Variants in ARFGEF2 observed in about 807,000 individuals in gnomAD.
The protein encoded by ARFGEF2 is ARF guanine nucleotide exchange factor 2, also known as brefeldin A-inhibited guanine nucleotide-exchange protein 2.
ARFGEF2 carries 74 observed loss-of-function variants against 219.9 expected under a neutral mutation model. The ratio of observed to expected loss-of-function variants is 0.34; its 90% CI spans 0.28 to 0.41. ARFGEF2 has a LOEUF of 0.41. Ranked by LOEUF, ARFGEF2 falls within the 10% of genes least tolerant of loss-of-function variation. The pLI is 1.00. For missense variants in ARFGEF2, 1,743 were observed against 2,218.3 expected (o/e 0.79, Z 4.30); for synonymous variants, 733 against 799.2 (o/e 0.92, Z 1.40).
intron 14 of ARFGEF2, among the ~76,000 whole-genome samples, chr20:48,977,984 AG>A (rs1485509727): frequency 6.6e-6 from 1 of 152,184 alleles, no homozygotes; most frequent in Non-Finnish European, 1.5e-5. Flanking sequence ...TCGTTTAATT[AG>A]ATCCCATTTG....
intron 25 of ARFGEF2, among the ~76,000 whole-genome samples, chr20:49,002,780 G>A (rs1192575425): frequency 1.3e-5 from 2 of 150,384 alleles, no homozygotes; most frequent in Non-Finnish European, 3.0e-5. Flanking sequence ...AAGTAGCTGG[G>A]ATTATAGGCA....
intron 23 of ARFGEF2, among the ~76,000 whole-genome samples, chr20:48,996,194 G>A (rs1784450545): frequency 6.6e-6 from 1 of 152,034 alleles, no homozygotes; most frequent in African/African-American, 2.4e-5. Flanking sequence ...CCATGCTCAC[G>A]CCTGTAATCC....
chr20:48,950,750 C>T (rs954767158), intron 3 of ARFGEF2, among the ~76,000 whole-genome samples: 11 of 138,602 alleles, frequency 7.9e-5, no homozygotes, highest in African/African-American at 1.1e-4. Flanking sequence ...GAGCCATGAC[C>T]GTACCACTTC....
chr20:48,994,582 C>T lies in ARFGEF2; in HGVS notation c.3105C>T (p.Phe1035=). ...LKGHTLAGEE[F]MGLGLGNLVS... ...GCCACACATTGGCAGGAGAAGAGTT[C>T]ATGGGCCTTGGCCTCGGTAAGACAC... The change falls in exon 22 of 39, where the codon TTC becomes TTT. Residue 1035 remains phenylalanine (F), a synonymous_variant. Coordinates refer to ENST00000371917, the MANE Select transcript of ARFGEF2 (RefSeq NM_006420.3). The T allele has an allele frequency of 6.2e-7, 1 of 1,613,966 alleles. No individual in the cohort carries two copies. Among genetic ancestry groups the T allele is most frequent in the Non-Finnish European group, 8.5e-7 (1 of 1,180,020 alleles).
In ARFGEF2 at chr20:49,025,321, G is replaced by A. The variant is rs749800669; in HGVS notation, c.4764G>A (p.Thr1588=). Reference sequence around the variant, plus strand: ...TCTGTCCTGTCCTCTAGCAAGACACGCTGGATGCAGATATCCACATAGAGA... The same window carrying A: ...TCTGTCCTGTCCTCTAGCAAGACACACTGGATGCAGATATCCACATAGAGA... ...AEHMVAAQQD[T]LDADIHIETE... The change falls in exon 36 of 39, where the codon ACG becomes ACA. Residue 1588 remains threonine (T), a synonymous_variant. Transcript: ENST00000371917. 31 of 1,610,606 alleles carry A rather than the reference G, an allele frequency of 1.9e-5. 1 individual carries two copies. The South Asian group carries it at 2.2e-4, about 11-fold the overall frequency.
At chr20:48,927,904 G>A (rs2090888159) in intron 1 of ARFGEF2, among the ~76,000 whole-genome samples, 1 of 152,028 alleles carries the variant, frequency 6.6e-6, no homozygotes, top group Non-Finnish European at 1.5e-5. Context: ...TTCAGGAGGA[G>A]GTTATCTGTC....
At chr20:49,018,791 C>G (rs887766132) in intron 33 of ARFGEF2, 93 bp from the exon 34 acceptor site, 2 of 970,870 alleles carry the variant, frequency 2.1e-6, no homozygotes, top group African/African-American at 3.2e-5. Flanking sequence ...CACTTAAATA[C>G]AGGCTGGACC....
At chr20:48,952,023 C>T (rs2091073962) in intron 4 of ARFGEF2, among the ~76,000 whole-genome samples, 1 of 152,012 alleles carries the variant, frequency 6.6e-6, no homozygotes, top group African/African-American at 2.4e-5. Flanking sequence ...AAACTGACCA[C>T]ATCGAAACGT....
chr20:48,965,118 A>G (rs1165616250), intron 7 of ARFGEF2, among the ~76,000 whole-genome samples: 8 of 152,180 alleles, frequency 5.3e-5, no homozygotes, highest in Non-Finnish European at 1.0e-4. Flanking sequence ...ATTTTATTTC[A>G]TACCTTTAGA....
chr20:48,981,633 T>G (rs2123443898), intron 14 of ARFGEF2, among the ~76,000 whole-genome samples: 1 of 152,368 alleles, frequency 6.6e-6, no homozygotes, highest in East Asian at 1.9e-4. Flanking sequence ...AAACGTAGAT[T>G]TGGTCTTTTC....
At chr20:49,002,861 G>T (rs1036012606) in intron 25 of ARFGEF2, among the ~76,000 whole-genome samples, 19 of 151,826 alleles carry the variant, frequency 1.3e-4, no homozygotes, top group Non-Finnish European at 2.4e-4. Context: ...GGCCAGGCTG[G>T]TCTTGAATAC....
chr20:49,031,961 A>T (rs546291885), intron 37 of ARFGEF2, 88 bp from the exon 38 acceptor site: 40 of 1,012,518 alleles, frequency 4.0e-5, no homozygotes, highest in South Asian at 2.3e-4. Flanking sequence ...AAATAATTTT[A>T]AAAATAGCAC....
intron 31 of ARFGEF2, 79 bp downstream of exon 31, chr20:49,016,494 T>C: frequency 2.7e-6 from 4 of 1,461,258 alleles, no homozygotes; most frequent in Admixed American, 1.7e-5. Flanking sequence ...TTTAAAAGCA[T>C]GGATGTAGTG....
chr20:48,977,729 G>A (rs2091270944), intron 14 of ARFGEF2, among the ~76,000 whole-genome samples: 2 of 152,238 alleles, frequency 1.3e-5, no homozygotes, highest in Admixed American at 1.3e-4. Flanking sequence ...TACGACCAGT[G>A]ATGATGAGCA....
At chr20:48,969,086 G>A in intron 8 of ARFGEF2, 61 bp from the exon 9 acceptor site, 1 of 1,573,924 alleles carries the variant, frequency 6.4e-7, no homozygotes, top group Middle Eastern at 1.7e-4. Context: ...TCAGCCTCTG[G>A]AGTAGCTGGG....
chr20:48,925,167 G>C (rs1440772021), intron 1 of ARFGEF2, among the ~76,000 whole-genome samples: 2 of 152,182 alleles, frequency 1.3e-5, no homozygotes, highest in Non-Finnish European at 2.9e-5. Flanking sequence ...TGATAATCAT[G>C]ATGGAGCAGA....
rs148134392 is a variant in ARFGEF2, at chr20:49,005,126, A to G, written c.3489A>G (p.Gln1163=). ...VAIFAVDSLR[Q]LSMKFLEKGE... Reference sequence around the variant, plus strand: ...TCTTTGCTGTTGACTCATTAAGGCAACTCTCCATGAAGTTTCTTGAGAAGG... The same window carrying G: ...TCTTTGCTGTTGACTCATTAAGGCAGCTCTCCATGAAGTTTCTTGAGAAGG... The change falls in exon 26 of 39, where the codon CAA becomes CAG. Residue 1163 remains glutamine (Q), a synonymous_variant. Coordinates refer to ENST00000371917, the MANE Select transcript of ARFGEF2 (RefSeq NM_006420.3). 10 of 1,613,272 alleles carry G rather than the reference A, an allele frequency of 6.2e-6. No individual in the cohort carries two copies. Among genetic ancestry groups the G allele is most frequent in the African/African-American group, 4.0e-5 (3 of 74,694 alleles).
chr20:48,973,361 C>A, intron 12 of ARFGEF2, 77 bp downstream of exon 12: 1 of 1,473,244 alleles, frequency 6.8e-7, no homozygotes. Context: ...CACCACATGC[C>A]AGGCACTGTC....
At chr20:48,944,286 T>C (rs150097571) in intron 3 of ARFGEF2, among the ~76,000 whole-genome samples, 2 of 152,200 alleles carry the variant, frequency 1.3e-5, no homozygotes, top group African/African-American at 4.8e-5. Context: ...GTTAAGGTTT[T>C]CTTTTGAAGG....
Sources: gnomAD v4.1 joint callset for allele counts (sites outside exome capture counted in the v4.1 genomes callset) on GRCh38, gnomAD v4.1.1 for gene constraint, MANE v1.5 for transcripts, NCBI Gene and HGNC (gene_info 2026-07-23, HGNC 2026-07-21) for gene names.